ITGB5: variants seen among roughly 807,000 people sequenced by gnomAD.
ITGB5 encodes integrin beta-5.
ITGB5 carries 38 observed loss-of-function variants against 84.8 expected under a neutral mutation model. The ratio of observed to expected loss-of-function variants is 0.45; its 90% CI spans 0.35 to 0.59. The LOEUF (loss-of-function observed/expected upper bound fraction) is 0.59, where lower values mean the gene tolerates loss of function less well. ITGB5 is among the 20% of genes least tolerant of loss of function. ITGB5 has a pLI of 0.01. For synonymous variants in ITGB5, 393 were observed against 414.4 expected, an observed-to-expected ratio of 0.95 and a Z score of 0.63; for missense variants, 905 against 1,034.5, an observed-to-expected ratio of 0.87 and a Z score of 1.72.
Position 124,766,215 on chromosome 3 carries a change from C to T in ITGB5, c.2137+11G>A. 6.2e-7 allele frequency: 1 copy of T among 1,612,296 alleles called. No homozygotes were observed. The highest frequency in any genetic ancestry group is 8.5e-7 in the Non-Finnish European group (1 of 1,179,320). ...GGCTGAGTGGGCCGAGCCCTTGCAG[C>T]CCTCACCTACCTGGCTCCCTGAGGA... On this transcript the variant is annotated intron_variant, in intron 13 of 14. Transcript: ENST00000296181.
chr3:124,898,643 CAAAAAAAAAAAAAAAAA>C (rs68025034), intron 1 of ITGB5, among the ~76,000 whole-genome samples: 4 of 29,270 alleles, frequency 1.4e-4, no homozygotes, highest in Admixed American at 6.2e-4. Flanking sequence ...GACTCCGTCT[CAAAAAAAAAAAAAAAAA>C]AAAAAAAAAA....
intron 3 of ITGB5, among the ~76,000 whole-genome samples, chr3:124,858,080 G>A (rs1018353450): frequency 6.7e-6 from 1 of 148,912 alleles, no homozygotes; most frequent in African/African-American, 2.5e-5. Flanking sequence ...GTTGCAATGA[G>A]CCAAGACTGT....
At chr3:124,866,925 G>C (rs891401917) in intron 2 of ITGB5, among the ~76,000 whole-genome samples, 1 of 152,204 alleles carries the variant, frequency 6.6e-6, no homozygotes, top group African/African-American at 2.4e-5. Flanking sequence ...GTCTACAACA[G>C]GCCAATATTA....
chr3:124,793,525 C>T (rs1411438235), intron 10 of ITGB5, among the ~76,000 whole-genome samples: 1 of 152,206 alleles, frequency 6.6e-6, no homozygotes, highest in Non-Finnish European at 1.5e-5. Flanking sequence ...GTGTGGCCCC[C>T]CCAGAGGGGT....
chr3:124,875,845 A>G (rs142726931), intron 1 of ITGB5, among the ~76,000 whole-genome samples: 5 of 152,348 alleles, frequency 3.3e-5, no homozygotes, highest in African/African-American at 1.2e-4. Context: ...AAATCCTGTC[A>G]TTTGGGACAA....
chr3:124,823,579 TTC>T (rs1318116105), intron 5 of ITGB5, among the ~76,000 whole-genome samples: 2 of 150,614 alleles, frequency 1.3e-5, no homozygotes, highest in Non-Finnish European at 1.5e-5. Flanking sequence ...GCTGGTGATG[TTC>T]TGTTTCTTGA....
At chr3:124,773,963 C>T in intron 10 of ITGB5, 51 bp from the exon 11 acceptor site, 1 of 1,523,692 alleles carries the variant, frequency 6.6e-7, no homozygotes, top group Non-Finnish European at 9.1e-7. Context: ...TACACATGAG[C>T]ACATAACCAT....
intron 11 of ITGB5, 177 bp from the exon 12 acceptor site, chr3:124,769,290 A>G: frequency 1.7e-6 from 1 of 584,152 alleles, no homozygotes; most frequent in East Asian, 2.9e-5. Context: ...AGGAAGCCCA[A>G]GGGTTCTTGG....
rs1264668131 is a variant in ITGB5 at position 124,859,359 on chromosome 3, G to C, written c.244C>G (p.Pro82Ala). Residue 82 changes from proline to alanine, a missense_variant, in exon 3 of 15, where the codon CCA (proline) becomes GCA (alanine). Pro to Ala is a conservative substitution (Grantham distance 27). Coordinates refer to ENST00000296181, the MANE Select transcript of ITGB5 (RefSeq NM_002213.5). Reference sequence around the variant, plus strand: ...CTCAGGACATGGAAGCTGCTGGCTGGGCTCTCTATCTCACCTCCACAGCCA... The same window carrying C: ...CTCAGGACATGGAAGCTGCTGGCTGCGCTCTCTATCTCACCTCCACAGCCA... The part of the protein sequence containing the change: ...KNGCGGEIES[P>A]ASSFHVLRSL... The C allele has an allele frequency of 4.3e-6, 7 of 1,613,924 alleles. No individual in the cohort carries two copies. Among genetic ancestry groups the C allele is most frequent in the African/African-American group, 1.3e-5 (1 of 74,872 alleles).
intron 2 of ITGB5, among the ~76,000 whole-genome samples, chr3:124,864,096 C>CTTTTTTTTTTT (rs558311822): frequency 2.2e-5 from 1 of 45,468 alleles, no homozygotes; most frequent in African/African-American, 6.9e-5. Flanking sequence ...ACCTATATTT[C>CTTTTTTTTTTT]TTTTTTTTTT....
chr3:124,795,193 T>C lies in ITGB5; in HGVS notation c.1693+1195A>G, dbSNP rs184159088. ...TATTGAGAAACAAGTTTCTCTTCAG[T>C]ATAAAGAGGAATTCTGGGCCGGGCA... On this transcript the variant is annotated intron_variant, in intron 10 of 14. Coordinates refer to ENST00000296181, the MANE Select transcript of ITGB5 (RefSeq NM_002213.5). Among the ~76,000 whole-genome samples, 485 of 152,116 alleles carry C rather than the reference T, an allele frequency of 3.2e-3. 10 individuals carry two copies. The highest frequency in any genetic ancestry group is 4.7e-4 in the Non-Finnish European group (32 of 68,006).
chr3:124,894,134 C>T (rs116596854), intron 1 of ITGB5, among the ~76,000 whole-genome samples: 961 of 103,838 alleles, frequency 9.3e-3, no homozygotes, highest in Middle Eastern at 0.018. Context: ...TGATATTTTT[C>T]TTTTTTTTTT....
At chr3:124,768,146 C>T (rs614664) in intron 12 of ITGB5, among the ~76,000 whole-genome samples, 2 of 151,968 alleles carry the variant, frequency 1.3e-5, no homozygotes, top group East Asian at 3.9e-4. Flanking sequence ...AAAAGATGTA[C>T]GTTAGGACCA....
At chr3:124,793,020 G>C (rs2064171618) in intron 10 of ITGB5, 1 of 152,084 alleles carries the variant, frequency 6.6e-6, no homozygotes, top group African/African-American at 2.4e-5. Flanking sequence ...GTCTCAGCAA[G>C]ACAGAGGAGG....
At chr3:124,880,535 A>G (rs1323213905) in intron 1 of ITGB5, among the ~76,000 whole-genome samples, 1 of 152,208 alleles carries the variant, frequency 6.6e-6, no homozygotes, top group Non-Finnish European at 1.5e-5. Flanking sequence ...GGAGCAGTTG[A>G]GCCCAGGAGT....
At chr3:124,801,769 T>C (rs2064320006) in intron 9 of ITGB5, among the ~76,000 whole-genome samples, 1 of 152,234 alleles carries the variant, frequency 6.6e-6, no homozygotes, top group Non-Finnish European at 1.5e-5. Flanking sequence ...TGCCAAACAA[T>C]GGCCAGAATG....
chr3:124,868,415 G>C (rs1220451000), intron 2 of ITGB5, among the ~76,000 whole-genome samples: 1 of 152,038 alleles, frequency 6.6e-6, no homozygotes, highest in Non-Finnish European at 1.5e-5. Flanking sequence ...CAGAGTAGGG[G>C]AGAGTCTGGC....
upstream of ITGB5, among the ~76,000 whole-genome samples, chr3:124,890,629 AGTCC>A (rs1323520249): frequency 8.5e-5 from 13 of 152,184 alleles, no homozygotes; most frequent in African/African-American, 2.7e-4. Flanking sequence ...GATCCAACAC[AGTCC>A]GTCACTTACC....
At chr3:124,832,829 A>C (rs1310481862) in intron 5 of ITGB5, 1 of 152,356 alleles carries the variant, frequency 6.6e-6, no homozygotes, top group African/African-American at 2.4e-5. Context: ...GCACTGAGGA[A>C]GAGGGGACAG....
Sources: allele counts gnomAD v4.1 joint callset (sites outside exome capture counted in the v4.1 genomes callset), GRCh38; gene constraint gnomAD v4.1.1; transcripts MANE v1.5; gene names NCBI Gene and HGNC (gene_info 2026-07-23, HGNC 2026-07-21).